Variants in MOCS1 observed in about 807,000 individuals in gnomAD.
MOCS1 encodes the protein molybdenum cofactor synthesis 1.
In MOCS1, 39 loss-of-function variants were observed where a neutral mutation model predicts 57.6. The ratio of observed to expected loss-of-function variants is 0.68; its 90% confidence interval spans 0.52 to 0.88. The LOEUF is 0.88. Ranked by LOEUF, MOCS1 falls within the 40% of genes least tolerant of loss-of-function variation. The pLI is 0.00. For synonymous variants in MOCS1, 334 were observed against 335.7 expected, an observed-to-expected ratio of 1.00 and a Z score of 0.05; for missense variants, 795 against 831.1, an observed-to-expected ratio of 0.96 and a Z score of 0.53.
In MOCS1 at chr6:39,905,811, A is replaced by AGAT. The variant is rs1193743503; in HGVS notation, c.*543_*545dup. 4.5e-5 allele frequency: 21 copies of AGAT among 470,344 alleles called. No individual in the cohort carries two copies. The highest frequency in any genetic ancestry group is 2.2e-5 in the Non-Finnish European group (5 of 227,090). 29.1% of individuals were successfully genotyped at this position (470,344 alleles called of 1,614,324 possible). A position where few individuals can be genotyped will look rare whatever the true frequency, so the allele number is the denominator to read the frequency against. On this transcript the variant is annotated 3_prime_UTR_variant, in exon 11 of 11. Coordinates refer to ENST00000340692, the MANE Select transcript of MOCS1 (RefSeq NM_001358530.2). ...GGGACACAGACTTGGGCAGAAGGAG[A>AGAT]GATGAAGTCAGGACAGGACAGGACA...
At chr6:39,920,034 A>T (rs1015441871) in intron 3 of MOCS1, among the ~76,000 whole-genome samples, 1 of 152,202 alleles carries the variant, frequency 6.6e-6, no homozygotes, top group Non-Finnish European at 1.5e-5. Context: ...GATGGGGAGG[A>T]GATATTCACA....
At chr6:39,912,153 T>G in intron 8 of MOCS1, 111 bp downstream of exon 8, 1 of 858,538 alleles carries the variant, frequency 1.2e-6, no homozygotes, top group South Asian at 1.3e-5. Flanking sequence ...ACCAACCACC[T>G]CCCCCGACAC....
intron 10 of MOCS1, among the ~76,000 whole-genome samples, chr6:39,908,320 C>T (rs922969488): frequency 5.9e-5 from 9 of 152,060 alleles, no homozygotes; most frequent in African/African-American, 9.7e-5. Flanking sequence ...GAACTGACTG[C>T]GAGCAAAGGG....
Position 39,906,064 on chromosome 6 carries a change from C to A in MOCS1, c.*293G>T, listed in dbSNP as rs756450922. 17 of 616,392 alleles carry A rather than the reference C, an allele frequency of 2.8e-5. No individual in the cohort carries two copies. The Admixed American group carries it at 3.4e-4, about 12-fold the overall frequency. 38.2% of individuals were successfully genotyped at this position (616,392 alleles called of 1,614,324 possible). A position where few individuals can be genotyped will look rare whatever the true frequency, so the allele number is the denominator to read the frequency against. On this transcript the variant is annotated 3_prime_UTR_variant, in exon 11 of 11. Transcript: ENST00000340692. ...GTTGTCTGAAATAGTCCACAAAGAA[C>A]ATGATTTCTCAGTTATCTGGCATTG...
At chr6:39,934,094 G>T (rs901926538) in intron 1 of MOCS1, among the ~76,000 whole-genome samples, 1 of 152,082 alleles carries the variant, frequency 6.6e-6, no homozygotes, top group Non-Finnish European at 1.5e-5. Flanking sequence ...TTCTGAAGCG[G>T]GACTCCCAGG....
chr6:39,913,093 A>G, intron 6 of MOCS1, 89 bp from the exon 7 acceptor site: 1 of 1,061,552 alleles, frequency 9.4e-7, no homozygotes. Context: ...CTGCCACAGC[A>G]TAGCAATCAG....
At chr6:39,931,393 G>A (rs1189939751) in intron 1 of MOCS1, among the ~76,000 whole-genome samples, 4 of 105,256 alleles carry the variant, frequency 3.8e-5, no homozygotes, top group Non-Finnish European at 5.4e-5. Flanking sequence ...CCAAATCTAA[G>A]TATCGTGGCC....
intron 8 of MOCS1, among the ~76,000 whole-genome samples, chr6:39,910,509 T>A (rs972984479): frequency 6.6e-6 from 1 of 152,224 alleles, no homozygotes; most frequent in Admixed American, 6.5e-5. Context: ...CTTCACTCAA[T>A]GCTTCTCAGC....
Position 39,905,428 on chromosome 6 carries a change from G to C in MOCS1, c.*929C>G, listed in dbSNP as rs558909239. The stretch of plus-strand genomic sequence containing the variant: ...TCTTCCCTCAGGGAACTGTGTCTTG[G>C]GATAGGATTGATTGATTGATTGATA... On this transcript the variant is annotated 3_prime_UTR_variant, in exon 11 of 11. Transcript: ENST00000340692. 8.5e-6 allele frequency: 4 copies of C among 469,754 alleles called. No individual in the cohort carries two copies. The highest frequency in any genetic ancestry group is 8.1e-5 in the African/African-American group (4 of 49,498). 29.1% of individuals were successfully genotyped at this position (469,754 alleles called of 1,614,324 possible).
Position 39,909,072 on chromosome 6 carries a change from C to G in MOCS1, c.1133G>C (p.Arg378Pro). ...GMFSISQMKNRPMILIELFLM... is the reference protein window; with the variant it reads ...GMFSISQMKNPPMILIELFLM... ...TCACCCACCGATGAGGATCATGGGC[C>G]GGTTCTTCATCTGGGAAATACTGAA... The change falls in exon 10 of 11, where the codon CGG becomes CCG. Residue 378 changes from arginine (R) to proline (P), a missense_variant. By Grantham distance (103) the Arg-to-Pro change is moderately radical. Coordinates refer to ENST00000340692, the MANE Select transcript of MOCS1 (RefSeq NM_001358530.2). 3.1e-6 allele frequency: 5 copies of G among 1,605,170 alleles called. No homozygotes were observed. Among genetic ancestry groups the G allele is most frequent in the Non-Finnish European group, 4.2e-6 (5 of 1,177,626 alleles).
At chr6:39,925,636 G>A in intron 3 of MOCS1, 42 bp downstream of exon 3, 1 of 1,611,202 alleles carries the variant, frequency 6.2e-7, no homozygotes, top group Admixed American at 1.7e-5. Context: ...AGCCGGATGA[G>A]GCAGCGCTGG....
intron 1 of MOCS1, among the ~76,000 whole-genome samples, chr6:39,929,525 G>T (rs77724773): frequency 1.3e-5 from 2 of 152,196 alleles, no homozygotes; most frequent in South Asian, 2.1e-4. Flanking sequence ...TTGACATGAT[G>T]GGGGGATGGG....
At chr6:39,919,531 A>G (rs56380548) in intron 3 of MOCS1, among the ~76,000 whole-genome samples, 78,149 of 151,290 alleles carry the variant, frequency 0.52, 20,421 homozygotes, top group Middle Eastern at 0.57. Context: ...AAAAAAAAAA[A>G]CCTGATAAGC....
At position 39,905,699 on chromosome 6, in the gene MOCS1, G is replaced by GCACAT. The variant is rs1028767611; in HGVS notation, c.*653_*657dup. ...GTCCTTAGGGCTATGGCCCATGTGT[G>GCACAT]CACATCCTGTTTCAGAAGAGGGGGG... On this transcript the variant is annotated 3_prime_UTR_variant, in exon 11 of 11. Transcript: ENST00000340692. The GCACAT allele has an allele frequency of 1.1e-4, 53 of 471,074 alleles. No individual in the cohort carries two copies. Among genetic ancestry groups the GCACAT allele is most frequent in the Non-Finnish European group, 2.1e-4 (47 of 227,064 alleles). The allele number at this position is 471,074 out of a possible 1,614,324, so 29.2% of individuals were successfully genotyped here. A position where few individuals can be genotyped will look rare whatever the true frequency, so the allele number is the denominator to read the frequency against.
chr6:39,930,093 ACT>A (rs955382544), intron 1 of MOCS1, among the ~76,000 whole-genome samples: 5 of 151,722 alleles, frequency 3.3e-5, no homozygotes, highest in African/African-American at 1.2e-4. Flanking sequence ...AAACACACAC[ACT>A]CTCACCCTGC....
intron 1 of MOCS1, among the ~76,000 whole-genome samples, chr6:39,934,051 T>TA (rs1562107648): frequency 6.6e-6 from 1 of 151,978 alleles, no homozygotes; most frequent in Non-Finnish European, 1.5e-5. Context: ...AGCTCAGGGC[T>TA]AGAAGGGGTG....
At chr6:39,923,248 C>T (rs1459375944) in intron 3 of MOCS1, among the ~76,000 whole-genome samples, 1 of 152,202 alleles carries the variant, frequency 6.6e-6, no homozygotes, top group Non-Finnish European at 1.5e-5. Context: ...GGCCAATAAC[C>T]ACAGAATATC....
In MOCS1 at chr6:39,922,458, G is replaced by A. The variant is rs368419230; in HGVS notation, c.418+3220C>T. ...TATCGTTAGTGTTCGTGTATTTTAT[G>A]TGTGGCCTCAGACAGTTCTTCCACT... On this transcript the variant is annotated intron_variant, in intron 3 of 10. Transcript: ENST00000340692. Among the ~76,000 whole-genome samples the A allele has an allele frequency of 2.4e-4, 36 of 152,236 alleles. No homozygotes were observed. The East Asian group carries it at 3.7e-3, about 16-fold the overall frequency.
chr6:39,927,537 C>G (rs750178096), intron 1 of MOCS1, 82 bp from the exon 2 acceptor site: 2 of 1,611,364 alleles, frequency 1.2e-6, no homozygotes, highest in South Asian at 2.2e-5. Flanking sequence ...CTGCCCCCTC[C>G]CTTACTCTGA....
Sources: allele counts gnomAD v4.1 joint callset (sites outside exome capture counted in the v4.1 genomes callset), GRCh38; gene constraint gnomAD v4.1.1; transcripts MANE v1.5; gene names NCBI Gene and HGNC (gene_info 2026-07-23, HGNC 2026-07-21).